Variants in TAF7L observed in about 807,000 individuals in gnomAD.
TAF7L encodes TATA-box binding protein associated factor 7 like.
TAF7L carries 6 observed loss-of-function variants against 30.2 expected under a neutral mutation model. That is an observed-to-expected ratio of 0.20 (90% CI 0.11 to 0.39). The LOEUF is 0.39. TAF7L is among the 10% of genes least tolerant of loss of function. The pLI is 1.00. For missense variants in TAF7L, 284 were observed against 277.1 expected (o/e 1.03, Z -0.18); for synonymous variants, 93 against 94.5 (o/e 0.98, Z 0.09).
chrX:101,287,903 C>A, intron 1 of TAF7L: 1 of 141,435 alleles, frequency 7.1e-6, no homozygotes, highest in East Asian at 1.9e-4. Flanking sequence ...TGGTGGCTAC[C>A]TAAGCAAACT....
Position 101,277,710 on chromosome X carries a change from A to T in TAF7L, c.587T>A (p.Val196Asp). ...DAEAVSTRWE[V>D]IAEDGTKEIE... ...TTCCTTGGTTCCATCTTCAGCAATG[A>T]CTTCCCAACCTGAAAGGAGTGGGTA... The change falls in exon 9 of 13, where the codon GTC becomes GAC. Residue 196 changes from valine to aspartate, a missense_variant. By Grantham distance (152) the Val-to-Asp change is radical (BLOSUM62 -3). Coordinates refer to ENST00000356784, the MANE Select transcript of TAF7L (RefSeq NM_001168474.2). 8.4e-7 allele frequency: 1 copy of T among 1,190,969 alleles called. No individual in the cohort carries two copies. The highest frequency in any genetic ancestry group is 1.1e-6 in the Non-Finnish European group (1 of 881,916).
rs150389847 is a variant in TAF7L at position 101,281,180 on chromosome X, C to T, written c.462+540G>A. Among the ~76,000 whole-genome samples the T allele has an allele frequency of 4.4e-3, 495 of 112,134 alleles. 2 individuals carry two copies. Among genetic ancestry groups the T allele is most frequent in the Middle Eastern group, 0.018 (4 of 218 alleles). On this transcript the variant is annotated intron_variant, in intron 6 of 12. Coordinates refer to ENST00000356784, the MANE Select transcript of TAF7L (RefSeq NM_001168474.2). ...GCAGAATTCTAATCATGTCAATTAC[C>T]TGTTTGTGGTATTGTACTATAGTTT...
At chrX:101,281,144 G>A (rs1160464220) in intron 6 of TAF7L, among the ~76,000 whole-genome samples, 4 of 111,889 alleles carry the variant, frequency 3.6e-5, no homozygotes, top group Non-Finnish European at 7.5e-5. Flanking sequence ...TGGAGAAATT[G>A]GAATAAGATT....
At chrX:101,271,037 G>A (rs936786641) in intron 12 of TAF7L, among the ~76,000 whole-genome samples, 4 of 111,043 alleles carry the variant, frequency 3.6e-5, no homozygotes, top group Non-Finnish European at 7.5e-5. Context: ...TAATATCCAT[G>A]GACAATCTGT....
At chrX:101,276,552 G>A (rs1421142920) in intron 9 of TAF7L, 24 bp from the exon 10 acceptor site, 2 of 1,201,770 alleles carry the variant, frequency 1.7e-6, no homozygotes, top group Admixed American at 2.2e-5. Context: ...GCAAGAAGAA[G>A]GTGAACTATC....
chrX:101,279,904 T>C (rs1323156812), intron 6 of TAF7L, among the ~76,000 whole-genome samples: 2 of 110,441 alleles, frequency 1.8e-5, no homozygotes, highest in African/African-American at 3.3e-5. Context: ...CGAGAGCAAT[T>C]AGACATCCTT....
intron 4 of TAF7L, 29 bp from the exon 5 acceptor site, chrX:101,282,482 C>G (rs1303001133): frequency 9.1e-6 from 11 of 1,205,923 alleles, no homozygotes; most frequent in Middle Eastern, 2.3e-4. Context: ...AAGAAGTTGA[C>G]TATGACCACG....
At chrX:101,291,377 G>C, upstream of TAF7L, 1 of 588,426 alleles carries the variant, frequency 1.7e-6, no homozygotes, top group Non-Finnish European at 2.1e-6. Flanking sequence ...GCGCGCGCCG[G>C]CCCCTCCCCG....
Position 101,291,207 on chromosome X carries a change from T to TCGGCCGCCCGAC in TAF7L, c.-3+5_-3+16dup. 5.5e-6 allele frequency: 4 copies of TCGGCCGCCCGAC among 727,777 alleles called. No individual in the cohort carries two copies. The highest frequency in any genetic ancestry group is 6.5e-6 in the Non-Finnish European group (4 of 615,918). 60.0% of individuals were successfully genotyped at this position (727,777 alleles called of 1,213,427 possible). On this transcript the variant is annotated intron_variant, in intron 1 of 12. Transcript: ENST00000356784. ...CGCTGACCCGGTCCCGGCCGCCCGGTCGGCCGCCCGACTCACCCGCTCCTC... is the reference window on the plus strand; with the variant it reads ...CGCTGACCCGGTCCCGGCCGCCCGGTCGGCCGCCCGACCGGCCGCCCGACTCACCCGCTCCTC...
At chrX:101,287,648 T>TA (rs1214660074) in intron 1 of TAF7L, 103 bp from the exon 2 acceptor site, 35 of 565,479 alleles carry the variant, frequency 6.2e-5, no homozygotes, top group Non-Finnish European at 9.4e-5. Flanking sequence ...TTATACAAGA[T>TA]CTTGCCCATA....
In TAF7L at chrX:101,277,683, A is replaced by G. The variant is rs1198604578; in HGVS notation, c.614T>C (p.Ile205Thr). ...EVIAEDGTKEIESQGSIPGFL... is the reference protein window; with the variant it reads ...EVIAEDGTKETESQGSIPGFL... The stretch of plus-strand genomic sequence containing the variant: ...TCCTGGGATGGAGCCTTGACTTTCT[A>G]TTTCCTTGGTTCCATCTTCAGCAAT... The change falls in exon 9 of 13, where the codon ATA (isoleucine) becomes ACA (threonine). Residue 205 changes from isoleucine to threonine, a missense_variant. Transcript: ENST00000356784. The G allele has an allele frequency of 1.0e-5, 12 of 1,204,633 alleles. No individual in the cohort carries two copies. The highest frequency in any genetic ancestry group is 1.3e-5 in the Non-Finnish European group (12 of 893,012).
At chrX:101,272,627 G>A (rs894953795) in intron 12 of TAF7L, among the ~76,000 whole-genome samples, 1 of 111,846 alleles carries the variant, frequency 8.9e-6, no homozygotes, top group African/African-American at 3.2e-5. Flanking sequence ...CTGGGCAGGG[G>A]AGAGGTTCTG....
chrX:101,292,437 C>CAAA (rs145821944), upstream of TAF7L, among the ~76,000 whole-genome samples: 116 of 35,731 alleles, frequency 3.2e-3, 1 homozygote, highest in African/African-American at 0.014. Flanking sequence ...GAAACTCCGT[C>CAAA]AAAAAAAAAA....
chrX:101,274,715 G>A (rs1470268285), intron 12 of TAF7L, among the ~76,000 whole-genome samples: 3 of 110,785 alleles, frequency 2.7e-5, no homozygotes, highest in Non-Finnish European at 5.7e-5. Context: ...ACCCTGAACT[G>A]GAATCACTGG....
At chrX:101,277,583 C>T (rs1924252057) in intron 9 of TAF7L, 23 bp downstream of exon 9, 1 of 1,032,992 alleles carries the variant, frequency 9.7e-7, no homozygotes, top group Non-Finnish European at 1.3e-6. Context: ...TCTGAAACTC[C>T]TGCTTTGCCT....
In TAF7L at chrX:101,283,703, C is replaced by G. The variant is rs193043470; in HGVS notation, c.146-120G>C. 5.0e-5 allele frequency: 37 copies of G among 745,876 alleles called. No homozygotes were observed. The East Asian group carries it at 1.1e-3, about 22-fold the overall frequency. The allele number at this position is 745,876 out of a possible 1,213,427, so 61.5% of individuals were successfully genotyped here. On this transcript the variant is annotated intron_variant, in intron 3 of 12. Transcript: ENST00000356784. ...TCTTTCCAAGAAACCTACTATCTCT[C>G]ATAATGCTAGAATTGTGTACACAAT...
chrX:101,282,399 C>T lies in TAF7L; in HGVS notation c.334G>A (p.Ala112Thr). 8.3e-7 allele frequency: 1 copy of T among 1,210,855 alleles called. No homozygotes were observed. Among genetic ancestry groups the T allele is most frequent in the Non-Finnish European group, 1.1e-6 (1 of 894,770 alleles). ...CTGACTATATTAGGATCAGTAGAGG[C>T]AGCTGGTTCTTCTGGAGAAAGGTGG... is the stretch of plus-strand genomic sequence containing the variant. ...DIHLSPEEPAASTDPNIVRKK... is the reference protein window; with the variant it reads ...DIHLSPEEPATSTDPNIVRKK... The change falls in exon 5 of 13, where the codon GCC becomes ACC. Residue 112 changes from alanine (A) to threonine (T), a missense_variant. Transcript: ENST00000356784.
Position 101,276,489 on chromosome X carries a change from C to T in TAF7L, c.731G>A (p.Ser244Asn). Reference protein sequence around the residue: ...MLREMFSDSRSNNDDDEDEDD... With the variant: ...MLREMFSDSRNNNDDDEDEDD... ...CTCATCCTCATCATCATCATTGTTA[C>T]TTCTAGAATCACTGAACATCTCCCG... Residue 244 changes from serine to asparagine, a missense_variant, in exon 10 of 13, where the codon AGT (serine) becomes AAT (asparagine). Transcript: ENST00000356784. 1 of 1,210,467 alleles carries T rather than the reference C, an allele frequency of 8.3e-7. No homozygotes were observed. Among genetic ancestry groups the T allele is most frequent in the Non-Finnish European group, 1.1e-6 (1 of 894,777 alleles).
intron 1 of TAF7L, 101 bp from the exon 2 acceptor site, chrX:101,287,646 G>C (rs1461570521): frequency 6.5e-5 from 37 of 570,448 alleles, no homozygotes; most frequent in Non-Finnish European, 9.9e-5. Context: ...AATTATACAA[G>C]ATCTTGCCCA....
Sources: gnomAD v4.1 joint callset for allele counts (sites outside exome capture counted in the v4.1 genomes callset) on GRCh38, gnomAD v4.1.1 for gene constraint, MANE v1.5 for transcripts, NCBI Gene and HGNC (gene_info 2026-07-23, HGNC 2026-07-21) for gene names.